The following MAP2 variants were observed in gnomAD, a reference collection of about 807,000 sequenced individuals.
MAP2 encodes microtubule associated protein 2, also known as microtubule-associated protein 2.
MAP2 carries 14 observed loss-of-function variants against 137.6 expected under a neutral mutation model. The observed-to-expected ratio is 0.10, with a 90% CI of 0.07 to 0.16. The LOEUF (loss-of-function observed/expected upper bound fraction) is 0.16. MAP2 is among the 10% of genes least tolerant of loss of function. MAP2 has a pLI of 1.00. For missense variants in MAP2, 2,088 were observed against 2,191.5 expected, an observed-to-expected ratio of 0.95 and a Z score of 0.94; for synonymous variants, 786 against 782.3, an observed-to-expected ratio of 1.00 and a Z score of -0.08.
At chr2:209,707,468 T>G (rs1242657740) in intron 12 of MAP2, among the ~76,000 whole-genome samples, 1 of 152,092 alleles carries the variant, frequency 6.6e-6, no homozygotes, top group Non-Finnish European at 1.5e-5. Context: ...ACAGGGATGT[T>G]CTAACATTTT....
At chr2:209,541,935 A>C (rs1051667401) in intron 2 of MAP2, among the ~76,000 whole-genome samples, 2 of 152,220 alleles carry the variant, frequency 1.3e-5, no homozygotes, top group Admixed American at 6.5e-5. Flanking sequence ...TTGACCTCCT[A>C]CCATGAATCA....
Position 209,681,555 on chromosome 2 carries a change from A to G in MAP2, c.454+728A>G, listed in dbSNP as rs868282702. Among the ~76,000 whole-genome samples, 3 of 152,334 alleles carry G rather than the reference A, an allele frequency of 2.0e-5. No individual in the cohort carries two copies. In the South Asian group the frequency reaches 6.2e-4, roughly 32 times the overall value. On this transcript the variant is annotated intron_variant, in intron 7 of 15. Transcript: ENST00000682079. The stretch of plus-strand genomic sequence containing the variant: ...GATGAAAGGCACTACTTAAAAGGAA[A>G]CCATTACTGGTTCTCCGACTTAGTC...
At chr2:209,608,302 T>TA (rs1054746148) in intron 3 of MAP2, among the ~76,000 whole-genome samples, 10 of 151,604 alleles carry the variant, frequency 6.6e-5, no homozygotes, top group Admixed American at 2.0e-4. Context: ...TTTTTTTTTT[T>TA]AATGGAGACA....
At chr2:209,616,574 C>G (rs1032026042) in intron 3 of MAP2, among the ~76,000 whole-genome samples, 2 of 152,186 alleles carry the variant, frequency 1.3e-5, no homozygotes, top group Admixed American at 1.3e-4. Context: ...ACAAAGTTAA[C>G]CAGTACTGAG....
chr2:209,575,329 G>A (rs566052881), intron 2 of MAP2, among the ~76,000 whole-genome samples: 61 of 151,996 alleles, frequency 4.0e-4, no homozygotes, highest in Admixed American at 5.9e-4. Flanking sequence ...AGACCATCCT[G>A]GCTAACACAG....
chr2:209,715,172 GTTATT>G (rs1159293424), intron 13 of MAP2, among the ~76,000 whole-genome samples: 1 of 151,894 alleles, frequency 6.6e-6, no homozygotes, highest in African/African-American at 2.4e-5. Context: ...ATAATTGACA[GTTATT>G]TTTTAAATAA....
chr2:209,543,712 A>G (rs1400912935), intron 2 of MAP2, among the ~76,000 whole-genome samples: 1 of 152,224 alleles, frequency 6.6e-6, no homozygotes, highest in Non-Finnish European at 1.5e-5. Flanking sequence ...AGGTTTCTTT[A>G]GATACCACGC....
At chr2:209,593,903 T>G (rs2080420003) in intron 3 of MAP2, among the ~76,000 whole-genome samples, 1 of 28,654 alleles carries the variant, frequency 3.5e-5, no homozygotes, top group East Asian at 1.7e-3. Context: ...TTAAAATATA[T>G]AAGTATATAT....
chr2:209,648,658 G>A (rs1233467835), intron 4 of MAP2, among the ~76,000 whole-genome samples: 3 of 149,070 alleles, frequency 2.0e-5, no homozygotes, highest in Non-Finnish European at 3.0e-5. Context: ...GCATGTTGGC[G>A]GGCACCTGTA....
At chr2:209,578,048 G>A (rs1049858318) in intron 2 of MAP2, among the ~76,000 whole-genome samples, 3 of 152,188 alleles carry the variant, frequency 2.0e-5, no homozygotes, top group African/African-American at 4.8e-5. Flanking sequence ...AATCTGTATT[G>A]CTTGCAAACA....
intron 13 of MAP2, 190 bp downstream of exon 13, chr2:209,710,444 C>T (rs955666917): frequency 3.1e-5 from 18 of 579,314 alleles, no homozygotes; most frequent in Non-Finnish European, 5.1e-5. Flanking sequence ...CATGACATGC[C>T]CATTCCTTCT....
At chr2:209,492,348 A>T (rs1253940638) in intron 1 of MAP2, among the ~76,000 whole-genome samples, 3 of 152,202 alleles carry the variant, frequency 2.0e-5, no homozygotes, top group Non-Finnish European at 4.4e-5. Context: ...GAATGGGCAA[A>T]AGCTGGAAGT....
chr2:209,567,102 T>C (rs189114920), intron 2 of MAP2, among the ~76,000 whole-genome samples: 3 of 152,238 alleles, frequency 2.0e-5, no homozygotes, highest in Middle Eastern at 3.4e-3. Flanking sequence ...AATAAATAAA[T>C]ACCATGCTGC....
intron 2 of MAP2, among the ~76,000 whole-genome samples, chr2:209,509,122 C>T (rs1159423367): frequency 6.6e-6 from 1 of 151,870 alleles, no homozygotes; most frequent in South Asian, 2.1e-4. Flanking sequence ...AAACTCTTCC[C>T]TTCCTGATTT....
rs539828518 is a variant in MAP2 at position 209,573,160 on chromosome 2, G to T, written c.-171-6876G>T. 1.6e-4 allele frequency among the ~76,000 whole-genome samples: 25 copies of T among 152,232 alleles called. No individual in the cohort carries two copies. In the South Asian group the frequency reaches 5.2e-3, roughly 32 times the overall value. Reference sequence around the variant, plus strand: ...CTAACAATTTGTAATAATCTGGAAGGTGCCATGGATTGAATTATAAACTTG... The same window carrying T: ...CTAACAATTTGTAATAATCTGGAAGTTGCCATGGATTGAATTATAAACTTG... On this transcript the variant is annotated intron_variant, in intron 2 of 15. Coordinates refer to ENST00000682079, the MANE Select transcript of MAP2 (RefSeq NM_001375505.1).
intron 2 of MAP2, among the ~76,000 whole-genome samples, chr2:209,542,267 A>G (rs747208083): frequency 4.6e-5 from 7 of 152,246 alleles, no homozygotes; most frequent in Non-Finnish European, 7.3e-5. Flanking sequence ...AGTAGGCATA[A>G]AATATTGAGT....
At chr2:209,730,112 G>C in intron 15 of MAP2, 70 bp from the exon 16 acceptor site, 1 of 1,315,524 alleles carries the variant, frequency 7.6e-7, no homozygotes, top group Non-Finnish European at 1.1e-6. Flanking sequence ...TCAGCCCTGG[G>C]AGATGGAGAA....
At chr2:209,453,201 T>A (rs2149499383) in intron 1 of MAP2, among the ~76,000 whole-genome samples, 1 of 152,314 alleles carries the variant, frequency 6.6e-6, no homozygotes, top group South Asian at 2.1e-4. Flanking sequence ...AGTGTAGCGA[T>A]GTTGTTGTTC....
In MAP2 at chr2:209,593,619, C is replaced by CAAAAAA. The variant is rs781329429; in HGVS notation, c.-107+13530_-107+13535dup. 7.5e-3 allele frequency among the ~76,000 whole-genome samples: 22 copies of CAAAAAA among 2,924 alleles called. 4 individuals are homozygous for CAAAAAA. The highest frequency in any genetic ancestry group is 0.027 in the Admixed American group (2 of 74). The allele number at this position is 2,924 out of a possible 152,430, so 1.9% of individuals were successfully genotyped here. A position where few individuals can be genotyped will look rare whatever the true frequency, so the allele number is the denominator to read the frequency against. ...GCAACACACCAAGACCCTGTCTCTA[C>CAAAAAA]AAAAAAAAAAAAAAAATATATATAT... On this transcript the variant is annotated intron_variant, in intron 3 of 15. Transcript: ENST00000682079.
Sources: gnomAD v4.1 joint callset for allele counts (sites outside exome capture counted in the v4.1 genomes callset) on GRCh38, gnomAD v4.1.1 for gene constraint, MANE v1.5 for transcripts, NCBI Gene and HGNC (gene_info 2026-07-23, HGNC 2026-07-21) for gene names.